The following CSMD1 variants were observed in gnomAD, a reference collection of about 807,000 sequenced individuals.
CSMD1 encodes the protein CUB and sushi domain-containing protein 1.
CSMD1 carries 213 observed loss-of-function variants against 417.5 expected under a neutral mutation model. The ratio of observed to expected loss-of-function variants is 0.51; its 90% CI spans 0.46 to 0.57. The LOEUF is 0.57. Among genes scored for constraint, CSMD1 ranks in the 20% least tolerant of loss-of-function variants. CSMD1 has a pLI of 0.00. For synonymous variants in CSMD1, 2,862 were observed against 1,736.8 expected (o/e 1.65, Z -16.11); for missense variants, 6,923 against 4,529.7 (o/e 1.53, Z -15.17).
At chr8:3,197,331 A>G (rs1796755535) in intron 33 of CSMD1, among the ~76,000 whole-genome samples, 1 of 152,204 alleles carries the variant, frequency 6.6e-6, no homozygotes, top group Non-Finnish European at 1.5e-5. Context: ...AACAAGGGTT[A>G]GCTATCCTAC....
chr8:3,332,253 T>C (rs17320864), intron 23 of CSMD1, among the ~76,000 whole-genome samples: 28,440 of 152,272 alleles, frequency 0.19, 3,147 homozygotes, highest in South Asian at 0.31. Flanking sequence ...AGATTAAACA[T>C]TGATGACAAT....
intron 26 of CSMD1, among the ~76,000 whole-genome samples, chr8:3,242,326 G>A (rs1799592155): frequency 6.7e-6 from 1 of 150,368 alleles, no homozygotes; most frequent in South Asian, 2.1e-4. Context: ...TGTAGAAAAG[G>A]AAGACTAGAA....
At chr8:3,851,180 T>TTGGAC (rs1474766267) in intron 5 of CSMD1, among the ~76,000 whole-genome samples, 16 of 152,342 alleles carry the variant, frequency 1.1e-4, no homozygotes, top group Non-Finnish European at 2.1e-4. Context: ...TGATATCAGT[T>TTGGAC]TTCAAAGCAT....
intron 3 of CSMD1, among the ~76,000 whole-genome samples, chr8:4,135,737 T>C (rs1376525398): frequency 6.6e-6 from 1 of 152,158 alleles, no homozygotes; most frequent in African/African-American, 2.4e-5. Context: ...CAATTTATCA[T>C]TTAAAGAATT....
intron 1 of CSMD1, among the ~76,000 whole-genome samples, chr8:4,819,487 T>C (rs1379346496): frequency 6.6e-6 from 1 of 152,158 alleles, no homozygotes; most frequent in Non-Finnish European, 1.5e-5. Flanking sequence ...ATAATACATA[T>C]ATGCTATATA....
chr8:4,811,279 AG>A (rs1479824935), intron 1 of CSMD1, among the ~76,000 whole-genome samples: 2 of 152,242 alleles, frequency 1.3e-5, no homozygotes, highest in African/African-American at 4.8e-5. Context: ...TGCTTAAATT[AG>A]GAATGTCAAA....
chr8:4,772,931 C>T (rs539212397), intron 1 of CSMD1, among the ~76,000 whole-genome samples: 1 of 152,090 alleles, frequency 6.6e-6, no homozygotes, highest in Non-Finnish European at 1.5e-5. Context: ...AATACTTCAT[C>T]CCTGCAACAT....
chr8:4,284,726 G>C (rs1424107742), intron 3 of CSMD1, among the ~76,000 whole-genome samples: 1 of 151,964 alleles, frequency 6.6e-6, no homozygotes, highest in Non-Finnish European at 1.5e-5. Flanking sequence ...CTCCCAGGAG[G>C]GTAACTCCAT....
Position 3,732,888 on chromosome 8 carries a change from C to T in CSMD1, c.931+21042G>A, listed in dbSNP as rs117354750. Among the ~76,000 whole-genome samples, 795 of 152,020 alleles carry T rather than the reference C, an allele frequency of 5.2e-3. 4 individuals carry two copies. Among genetic ancestry groups the T allele is most frequent in the Middle Eastern group, 6.8e-3 (2 of 294 alleles). On this transcript the variant is annotated intron_variant, in intron 6 of 69. Coordinates refer to ENST00000635120, the MANE Select transcript of CSMD1 (RefSeq NM_033225.6). ...AAAGAGATCTATCTATCTATCCATCCATCTATCATCTATCTATCTATCATC... is the reference window on the plus strand; with the variant it reads ...AAAGAGATCTATCTATCTATCCATCTATCTATCATCTATCTATCTATCATC...
intron 5 of CSMD1, among the ~76,000 whole-genome samples, chr8:3,905,719 G>T (rs972870232): frequency 6.6e-6 from 1 of 152,134 alleles, no homozygotes; most frequent in Non-Finnish European, 1.5e-5. Context: ...CCACATCCAA[G>T]TCCACGCAGA....
chr8:3,701,957 T>C (rs1800894171), intron 7 of CSMD1, among the ~76,000 whole-genome samples: 2 of 152,108 alleles, frequency 1.3e-5, no homozygotes, highest in African/African-American at 2.4e-5. Context: ...CGAATATCAT[T>C]CTGTTTTGCT....
rs749085555 is a variant in CSMD1, at chr8:4,994,384, G to A, written c.33C>T (p.Leu11=). 22 of 1,612,272 alleles carry A rather than the reference G, an allele frequency of 1.4e-5. No homozygotes were observed. Among genetic ancestry groups the A allele is most frequent in the Non-Finnish European group, 1.9e-5 (22 of 1,179,860 alleles). ...ACAGCACCAGCAGCCCGAGAAGCAG[G>A]AGCAGCGACTGGAATCTCCTCCACG... is the stretch of plus-strand genomic sequence containing the variant. MTAWRRFQSL[L]LLLGLLVLCA... The change falls in exon 1 of 70, where the codon CTC becomes CTT. Residue 11 remains leucine (L), a synonymous_variant. Transcript: ENST00000635120.
Position 4,563,049 on chromosome 8 carries a change from C to A in CSMD1, c.302+74293G>T, listed in dbSNP as rs140359650. Among the ~76,000 whole-genome samples, 1,071 of 152,192 alleles carry A rather than the reference C, an allele frequency of 7.0e-3. 12 individuals are homozygous for A. Among genetic ancestry groups the A allele is most frequent in the Non-Finnish European group, 0.011 (730 of 68,004 alleles). ...TTAAACAGTGTTTTATTTGTATTAACCAACTCCAAATTTGGGAGATTTCTC... is the reference window on the plus strand; with the variant it reads ...TTAAACAGTGTTTTATTTGTATTAAACAACTCCAAATTTGGGAGATTTCTC... On this transcript the variant is annotated intron_variant, in intron 2 of 69. Coordinates refer to ENST00000635120, the MANE Select transcript of CSMD1 (RefSeq NM_033225.6).
intron 8 of CSMD1, among the ~76,000 whole-genome samples, chr8:3,606,919 C>T (rs894906796): frequency 3.0e-4 from 46 of 151,956 alleles, no homozygotes; most frequent in Admixed American, 2.0e-3. Flanking sequence ...ACCATGTTGG[C>T]CAGGATGGTC....
At chr8:3,097,421 G>T (rs938672990) in intron 46 of CSMD1, among the ~76,000 whole-genome samples, 3 of 151,354 alleles carry the variant, frequency 2.0e-5, no homozygotes, top group Admixed American at 6.6e-5. Context: ...AATAAGAAAA[G>T]AAAACTCATA....
intron 3 of CSMD1, among the ~76,000 whole-genome samples, chr8:4,279,054 C>G (rs1456234900): frequency 2.6e-5 from 4 of 152,136 alleles, no homozygotes; most frequent in Non-Finnish European, 4.4e-5. Context: ...ATAAACATCA[C>G]TCTACTGTTT....
intron 26 of CSMD1, among the ~76,000 whole-genome samples, chr8:3,272,694 T>C (rs577469942): frequency 1.4e-5 from 2 of 142,494 alleles, no homozygotes; most frequent in Admixed American, 1.4e-4. Flanking sequence ...TTCGAAGCAA[T>C]TGTGAATGGG....
At position 3,205,580 on chromosome 8, in the gene CSMD1, A is replaced by C. The variant is rs772136449; in HGVS notation, c.4908T>G (p.Val1636=). ...GGQYTGSEGV[V]LSPNYPHNYT... is the part of the protein sequence containing the mutation. ...AATTATGGGGGTAGTTTGGTGATAA[A>C]ACTACCCCTTCTGATCCCGTGTACT... Residue 1636 remains valine, a synonymous_variant, in exon 31 of 70, where the codon GTT becomes GTG. Coordinates refer to ENST00000635120, the MANE Select transcript of CSMD1 (RefSeq NM_033225.6). The C allele has an allele frequency of 5.6e-6, 9 of 1,597,156 alleles. No individual in the cohort carries two copies. The highest frequency in any genetic ancestry group is 7.7e-6 in the Non-Finnish European group (9 of 1,170,068).
chr8:4,286,807 C>A (rs1490848024), intron 3 of CSMD1, among the ~76,000 whole-genome samples: 5 of 152,060 alleles, frequency 3.3e-5, no homozygotes, highest in African/African-American at 9.7e-5. Flanking sequence ...CCTAGAAAAC[C>A]AAAAGTTGAT....
Sources: allele counts gnomAD v4.1 joint callset (sites outside exome capture counted in the v4.1 genomes callset), GRCh38; gene constraint gnomAD v4.1.1; transcripts MANE v1.5; gene names NCBI Gene and HGNC (gene_info 2026-07-23, HGNC 2026-07-21).